SGCZ: variants seen among roughly 807,000 people sequenced by gnomAD.
SGCZ encodes the protein zeta-sarcoglycan.
A neutral mutation model predicts 41.3 loss-of-function variants in SGCZ; 40 were observed. The observed-to-expected ratio is 0.97, with a 90% CI of 0.75 to 1.26. SGCZ has a LOEUF of 1.26. Ranked by LOEUF, SGCZ falls within the 50% of genes most tolerant of loss-of-function variation. The probability of loss-of-function intolerance (pLI) is 0.00; values close to 1 mark genes in which losing one functional copy is unlikely to be tolerated. For synonymous variants in SGCZ, 206 were observed against 137.5 expected (o/e 1.50, Z -3.49); for missense variants, 552 against 369.8 (o/e 1.49, Z -4.04).
At chr8:14,287,396 C>T (rs1800677975) in intron 3 of SGCZ, among the ~76,000 whole-genome samples, 1 of 151,710 alleles carries the variant, frequency 6.6e-6, no homozygotes, top group Non-Finnish European at 1.5e-5. Flanking sequence ...CAATTAAGTG[C>T]TAAGACTCTA....
Position 14,593,925 on chromosome 8 carries a change from C to T in SGCZ, c.40-38999G>A, listed in dbSNP as rs552146978. Among the ~76,000 whole-genome samples the T allele has an allele frequency of 3.9e-5, 6 of 152,066 alleles. No individual in the cohort carries two copies. In the South Asian group the frequency reaches 8.3e-4, roughly 21 times the overall value. On this transcript the variant is annotated intron_variant, in intron 1 of 7. Coordinates refer to ENST00000382080, the MANE Select transcript of SGCZ (RefSeq NM_139167.4). Reference sequence around the variant, plus strand: ...TGCCGTGGCTCATGCCTATAATCCCCGCACTTTGGGAGGCCGAGATTGGTG... The same window carrying T: ...TGCCGTGGCTCATGCCTATAATCCCTGCACTTTGGGAGGCCGAGATTGGTG...
intron 1 of SGCZ, among the ~76,000 whole-genome samples, chr8:14,997,103 T>C (rs1585452469): frequency 6.6e-6 from 1 of 152,246 alleles, no homozygotes; most frequent in East Asian, 1.9e-4. Flanking sequence ...CTGATATTTC[T>C]GGCTAAGCAT....
chr8:15,196,279 G>T (rs1800729738), intron 1 of SGCZ, among the ~76,000 whole-genome samples: 1 of 152,138 alleles, frequency 6.6e-6, no homozygotes, highest in South Asian at 2.1e-4. Context: ...CAAAGATGTA[G>T]TTCTTTTCTT....
chr8:15,145,662 C>T (rs913190142), intron 1 of SGCZ, among the ~76,000 whole-genome samples: 5 of 152,000 alleles, frequency 3.3e-5, no homozygotes, highest in African/African-American at 4.8e-5. Context: ...ACTATGTTTC[C>T]GAGGCTGGTC....
At position 14,281,795 on chromosome 8, in the gene SGCZ, C is replaced by T. The variant is rs928310946; in HGVS notation, c.336+42308G>A. On this transcript the variant is annotated intron_variant, in intron 3 of 7. Transcript: ENST00000382080. ...TCTTATTGTAATAAATATAAGTACA[C>T]TTCTAAGAAATATGTGTATGTATAT... 3.3e-5 allele frequency among the ~76,000 whole-genome samples: 5 copies of T among 152,120 alleles called. No homozygotes were observed. The East Asian group carries it at 9.7e-4, about 29-fold the overall frequency.
intron 5 of SGCZ, among the ~76,000 whole-genome samples, chr8:14,111,716 T>A (rs1178993263): frequency 6.6e-6 from 1 of 152,088 alleles, no homozygotes; most frequent in Non-Finnish European, 1.5e-5. Context: ...AAATTCAGGG[T>A]CCAAAAGTAG....
At chr8:14,307,567 G>A (rs1006342528) in intron 3 of SGCZ, among the ~76,000 whole-genome samples, 5 of 152,012 alleles carry the variant, frequency 3.3e-5, no homozygotes, top group African/African-American at 1.2e-4. Context: ...GAGGGACAGG[G>A]CACTAAAATT....
At chr8:14,638,254 A>C (rs1268211259) in intron 1 of SGCZ, among the ~76,000 whole-genome samples, 1 of 151,756 alleles carries the variant, frequency 6.6e-6, no homozygotes, top group Non-Finnish European at 1.5e-5. Flanking sequence ...AGTTTCTTAG[A>C]GTCTACTCCG....
intron 1 of SGCZ, among the ~76,000 whole-genome samples, chr8:14,626,023 G>A (rs1343265839): frequency 6.6e-6 from 1 of 152,196 alleles, no homozygotes; most frequent in Admixed American, 6.5e-5. Context: ...ACTGTCGCTA[G>A]GGCAGACATA....
At chr8:14,309,017 TACCAGAAAATGAA>T in intron 3 of SGCZ, 1 of 1,149,896 alleles carries the variant, frequency 8.7e-7, no homozygotes, top group African/African-American at 1.6e-5. Flanking sequence ...GCCTCACTTT[TACCAGAAAATGAA>T]ACCGGAAGCC....
At chr8:14,912,604 C>T (rs1485662843) in intron 1 of SGCZ, among the ~76,000 whole-genome samples, 1 of 152,000 alleles carries the variant, frequency 6.6e-6, no homozygotes, top group East Asian at 1.9e-4. Flanking sequence ...AACAATATTT[C>T]TAACTCACAC....
At chr8:15,091,422 C>A (rs1806150152) in intron 1 of SGCZ, among the ~76,000 whole-genome samples, 1 of 152,182 alleles carries the variant, frequency 6.6e-6, no homozygotes, top group South Asian at 2.1e-4. Context: ...CACTTATATC[C>A]TTAGAAATCC....
chr8:14,954,659 A>G (rs541307591), intron 1 of SGCZ, among the ~76,000 whole-genome samples: 1 of 152,294 alleles, frequency 6.6e-6, no homozygotes, highest in African/African-American at 2.4e-5. Flanking sequence ...CAGCCAAAAA[A>G]GAGCTGAGGC....
intron 1 of SGCZ, among the ~76,000 whole-genome samples, chr8:14,788,222 G>T (rs984982354): frequency 3.3e-5 from 5 of 152,092 alleles, no homozygotes; most frequent in Non-Finnish European, 5.9e-5. Context: ...CTAGAATAAA[G>T]CACATAATGC....
intron 3 of SGCZ, among the ~76,000 whole-genome samples, chr8:14,261,593 G>T (rs567798175): frequency 6.6e-6 from 1 of 152,096 alleles, no homozygotes; most frequent in East Asian, 1.9e-4. Flanking sequence ...CCAAGTATAA[G>T]CTATTTGAGC....
chr8:14,090,659 A>G (rs1381409366), intron 7 of SGCZ, 22 bp from the exon 8 acceptor site: 2 of 1,596,160 alleles, frequency 1.3e-6, no homozygotes, highest in Admixed American at 1.7e-5. Flanking sequence ...AAGAAATTGC[A>G]TTTTAATTCA....
chr8:14,334,580 A>G (rs937686005), intron 2 of SGCZ, among the ~76,000 whole-genome samples: 3 of 152,038 alleles, frequency 2.0e-5, no homozygotes, highest in Admixed American at 6.6e-5. Flanking sequence ...TAATTTGTAT[A>G]TCTTCTTAAT....
intron 7 of SGCZ, among the ~76,000 whole-genome samples, chr8:14,101,697 A>G (rs1802026394): frequency 6.6e-6 from 1 of 152,214 alleles, no homozygotes; most frequent in Admixed American, 6.5e-5. Flanking sequence ...TTAGATAAAT[A>G]AAGGCACTCT....
At chr8:14,216,250 T>A (rs1805989701) in intron 4 of SGCZ, among the ~76,000 whole-genome samples, 1 of 152,160 alleles carries the variant, frequency 6.6e-6, no homozygotes, top group South Asian at 2.1e-4. Flanking sequence ...TCAGCCAAAT[T>A]TTCTTTCGAA....
Sources: gnomAD v4.1 joint callset for allele counts (sites outside exome capture counted in the v4.1 genomes callset) on GRCh38, gnomAD v4.1.1 for gene constraint, MANE v1.5 for transcripts, NCBI Gene and HGNC (gene_info 2026-07-23, HGNC 2026-07-21) for gene names.